Variants in MITF observed in about 807,000 individuals in gnomAD.
MITF encodes the protein microphthalmia-associated transcription factor.
MITF carries 17 observed loss-of-function variants against 60.5 expected under a neutral mutation model. The ratio of observed to expected loss-of-function variants is 0.28; its 90% CI spans 0.19 to 0.42. MITF has a LOEUF of 0.42. MITF is among the 10% of genes least tolerant of loss of function. MITF has a pLI of 1.00. For missense variants in MITF, 622 were observed against 683.5 expected (o/e 0.91, Z 1.00); for synonymous variants, 260 against 248.5 (o/e 1.05, Z -0.43).
intron 1 of MITF, among the ~76,000 whole-genome samples, chr3:69,872,620 A>C (rs530467536): frequency 7.9e-5 from 12 of 152,268 alleles, no homozygotes; most frequent in Non-Finnish European, 1.6e-4. Context: ...TTTTTGGAGA[A>C]TACTGATATA....
At position 69,898,291 on chromosome 3, in the gene MITF, A is replaced by C. The variant is rs76752484; in HGVS notation, c.354+18908A>C. Among the ~76,000 whole-genome samples, 1,162 of 152,312 alleles carry C rather than the reference A, an allele frequency of 7.6e-3. 9 individuals are homozygous for C. Among genetic ancestry groups the C allele is most frequent in the African/African-American group, 0.026 (1,090 of 41,568 alleles). On this transcript the variant is annotated intron_variant, in intron 2 of 9. Coordinates refer to ENST00000352241, the MANE Select transcript of MITF (RefSeq NM_001354604.2). ...GCAGCAAGCACTGCATGTGCAAAGG[A>C]CCTGTGTCAGGAGAGAGCAGGCAAG...
At chr3:69,961,332 A>C (rs2066539371) in intron 9 of MITF, among the ~76,000 whole-genome samples, 1 of 151,432 alleles carries the variant, frequency 6.6e-6, no homozygotes. Flanking sequence ...CAGTGAGCCA[A>C]GATCGCGCCA....
chr3:69,856,221 A>G (rs975220086), intron 1 of MITF, among the ~76,000 whole-genome samples: 1 of 152,160 alleles, frequency 6.6e-6, no homozygotes, highest in African/African-American at 2.4e-5. Context: ...AATGTTTCCT[A>G]AATTTTAGCT....
At chr3:69,945,597 C>T (rs192217062) in intron 5 of MITF, among the ~76,000 whole-genome samples, 81 of 152,290 alleles carry the variant, frequency 5.3e-4, no homozygotes, top group Non-Finnish European at 3.4e-4. Context: ...CATCAACCTT[C>T]CTTTTAGTAG....
chr3:69,895,015 C>A (rs1008925105), intron 2 of MITF, among the ~76,000 whole-genome samples: 2 of 152,156 alleles, frequency 1.3e-5, no homozygotes, highest in African/African-American at 4.8e-5. Context: ...AGTTGTCTTT[C>A]TGGGTGTAGG....
chr3:69,787,736 C>G (rs1283778602), intron 1 of MITF, among the ~76,000 whole-genome samples: 2 of 152,006 alleles, frequency 1.3e-5, no homozygotes, highest in African/African-American at 4.8e-5. Context: ...TGACATTGAG[C>G]CTCATGTTTT....
chr3:69,945,625 G>A (rs924892113), intron 5 of MITF, among the ~76,000 whole-genome samples: 13 of 152,260 alleles, frequency 8.5e-5, no homozygotes, highest in African/African-American at 2.4e-4. Context: ...AAATAAGAGC[G>A]GTTGATAGAA....
intron 1 of MITF, among the ~76,000 whole-genome samples, chr3:69,857,587 C>A (rs1355159904): frequency 6.6e-6 from 1 of 150,994 alleles, no homozygotes; most frequent in Non-Finnish European, 1.5e-5. Context: ...ATGCAGTGAT[C>A]TAGATCAAGT....
rs748748927 is a variant in MITF, at chr3:69,966,929, T to C, written c.*1681T>C. 4.7e-5 allele frequency: 11 copies of C among 232,652 alleles called. No homozygotes were observed. Among genetic ancestry groups the C allele is most frequent in the Non-Finnish European group, 9.4e-5 (11 of 117,462 alleles). 14.4% of individuals were successfully genotyped at this position (232,652 alleles called of 1,614,324 possible). ...ATGGTATCTATAGTCAAGACGAACA[T>C]GTAGCATGGTGCCTATGTAGACAAT... On this transcript the variant is annotated 3_prime_UTR_variant, in exon 10 of 10. Coordinates refer to ENST00000352241, the MANE Select transcript of MITF (RefSeq NM_001354604.2).
intron 2 of MITF, among the ~76,000 whole-genome samples, chr3:69,912,397 A>G (rs2065243536): frequency 6.6e-6 from 1 of 152,136 alleles, no homozygotes; most frequent in Non-Finnish European, 1.5e-5. Flanking sequence ...ATCATTTACC[A>G]CAAATTTTAA....
intron 1 of MITF, among the ~76,000 whole-genome samples, chr3:69,853,947 G>A (rs577533315): frequency 5.7e-4 from 84 of 147,254 alleles, no homozygotes; most frequent in African/African-American, 1.8e-3. Flanking sequence ...TGCAACCTTC[G>A]CCTCCCATGT....
intron 1 of MITF, among the ~76,000 whole-genome samples, chr3:69,853,113 G>C (rs184205319): frequency 6.6e-6 from 1 of 152,144 alleles, no homozygotes; most frequent in East Asian, 1.9e-4. Context: ...CAGCAAAATC[G>C]TGCTTTAGGA....
chr3:69,748,307 C>T (rs1340894332), intron 1 of MITF, among the ~76,000 whole-genome samples: 1 of 152,178 alleles, frequency 6.6e-6, no homozygotes, highest in African/African-American at 2.4e-5. Context: ...GTGGCATGAT[C>T]TTGGCTCACT....
chr3:69,747,885 TG>T (rs1445571970), intron 1 of MITF, among the ~76,000 whole-genome samples: 1 of 152,190 alleles, frequency 6.6e-6, no homozygotes, highest in Non-Finnish European at 1.5e-5. Flanking sequence ...ATTACTTTTT[TG>T]GTGTTAAGGA....
At chr3:69,753,194 G>T (rs1454639080) in intron 1 of MITF, among the ~76,000 whole-genome samples, 1 of 152,186 alleles carries the variant, frequency 6.6e-6, no homozygotes, top group Non-Finnish European at 1.5e-5. Context: ...TAGAGGCCCA[G>T]GTTACACTCA....
At chr3:69,900,545 T>A (rs961619046) in intron 2 of MITF, among the ~76,000 whole-genome samples, 2 of 152,190 alleles carry the variant, frequency 1.3e-5, no homozygotes, top group African/African-American at 4.8e-5. Context: ...TGGCTGACAC[T>A]TGGCAAACCA....
intron 1 of MITF, among the ~76,000 whole-genome samples, chr3:69,743,869 T>C (rs764996794): frequency 1.2e-4 from 19 of 152,222 alleles, no homozygotes; most frequent in Non-Finnish European, 5.9e-5. Context: ...CGTAGGAGCA[T>C]CTTTCAGGCT....
intron 1 of MITF, among the ~76,000 whole-genome samples, chr3:69,770,547 G>A (rs1240808308): frequency 6.6e-6 from 1 of 152,120 alleles, no homozygotes; most frequent in Non-Finnish European, 1.5e-5. Flanking sequence ...TAGACTAGTT[G>A]GAGACTCTGA....
chr3:69,839,831 C>G (rs1444193524), intron 1 of MITF, among the ~76,000 whole-genome samples: 1 of 151,956 alleles, frequency 6.6e-6, no homozygotes, highest in Non-Finnish European at 1.5e-5. Flanking sequence ...AAAATGAAAG[C>G]ATTTATGTTC....
Sources: gnomAD v4.1 joint callset for allele counts (sites outside exome capture counted in the v4.1 genomes callset) on GRCh38, gnomAD v4.1.1 for gene constraint, MANE v1.5 for transcripts, NCBI Gene and HGNC (gene_info 2026-07-23, HGNC 2026-07-21) for gene names.